Variants in DLC1 observed in about 807,000 individuals in gnomAD.
DLC1 encodes the protein rho GTPase-activating protein 7.
Under a neutral mutation model 140.3 loss-of-function variants are expected in DLC1, and 54 were observed. That is an observed-to-expected ratio of 0.38 (90% CI 0.31 to 0.48). The LOEUF is 0.48. Among genes scored for constraint, DLC1 ranks in the 20% least tolerant of loss-of-function variants. DLC1 has a pLI of 0.96. For synonymous variants in DLC1, 986 were observed against 728.1 expected (o/e 1.35, Z -5.70); for missense variants, 2,536 against 1,907.0 (o/e 1.33, Z -6.14).
intron 5 of DLC1, among the ~76,000 whole-genome samples, chr8:13,165,938 T>G (rs576146230): frequency 8.5e-4 from 130 of 152,276 alleles, no homozygotes; most frequent in Non-Finnish European, 1.6e-3. Flanking sequence ...CCAGGGTCAC[T>G]GATATGATTC....
intron 5 of DLC1, among the ~76,000 whole-genome samples, chr8:13,243,717 TATC>T (rs1342270726): frequency 6.6e-6 from 1 of 152,220 alleles, no homozygotes; most frequent in Non-Finnish European, 1.5e-5. Flanking sequence ...TTGTCTTCCT[TATC>T]ATCAAGAAAA....
intron 5 of DLC1, among the ~76,000 whole-genome samples, chr8:13,238,934 G>T (rs537452502): frequency 6.6e-6 from 1 of 152,206 alleles, no homozygotes; most frequent in South Asian, 2.1e-4. Flanking sequence ...GGTGTGGGGG[G>T]TGTAGGGGGA....
At chr8:13,401,408 G>A (rs1157798102) in intron 3 of DLC1, 62 bp downstream of exon 3, 21 of 1,573,724 alleles carry the variant, frequency 1.3e-5, no homozygotes, top group Non-Finnish European at 1.7e-5. Context: ...TTGCAAGAGG[G>A]ACTGTATAAG....
intron 14 of DLC1, among the ~76,000 whole-genome samples, chr8:13,090,711 G>C (rs1327558840): frequency 6.6e-6 from 1 of 152,188 alleles, no homozygotes; most frequent in Non-Finnish European, 1.5e-5. Context: ...GTTAGAGTAG[G>C]GGGAGTGAAT....
At chr8:13,105,592 CTTTT>C (rs1270510962) in intron 7 of DLC1, among the ~76,000 whole-genome samples, 1 of 141,008 alleles carries the variant, frequency 7.1e-6, no homozygotes, top group Non-Finnish European at 1.6e-5. Context: ...TCTTTTTCTT[CTTTT>C]TTTTTTTTTT....
chr8:13,549,970 T>C (rs1419775623), intron 1 of DLC1, among the ~76,000 whole-genome samples: 4 of 152,132 alleles, frequency 2.6e-5, no homozygotes, highest in African/African-American at 7.2e-5. Flanking sequence ...GTTGTGCTTA[T>C]ATGTGAAAGG....
chr8:13,280,973 C>T (rs113103085), intron 5 of DLC1, among the ~76,000 whole-genome samples: 59 of 152,294 alleles, frequency 3.9e-4, no homozygotes, highest in African/African-American at 1.3e-3. Flanking sequence ...CATAATATAT[C>T]TCCCTAAAAT....
chr8:13,481,628 CA>C (rs1282142445), intron 2 of DLC1, among the ~76,000 whole-genome samples: 1 of 152,178 alleles, frequency 6.6e-6, no homozygotes, highest in Non-Finnish European at 1.5e-5. Flanking sequence ...AGAAAATTTA[CA>C]GCCCCGTTGT....
chr8:13,180,098 G>A (rs1825954372), intron 5 of DLC1, among the ~76,000 whole-genome samples: 1 of 152,174 alleles, frequency 6.6e-6, no homozygotes, highest in African/African-American at 2.4e-5. Context: ...TTATCCAAGG[G>A]AGATGGTGTT....
At chr8:13,418,079 A>C (rs1308922842) in intron 2 of DLC1, among the ~76,000 whole-genome samples, 2 of 151,990 alleles carry the variant, frequency 1.3e-5, no homozygotes, top group East Asian at 3.9e-4. Flanking sequence ...TTTTCTTGTA[A>C]ATTTGTTTGA....
In DLC1 at chr8:13,090,451, C is replaced by T. The variant is rs200504821; in HGVS notation, c.3875G>A (p.Arg1292Gln). ...KLFQVPEEMS[R>Q]CRNSYTEQEL... ...TTGTTCGGTATAGGAATTACGACAT[C>T]GGCTCATTTCCTCGGGAACCTGTGC... The change falls in exon 15 of 18, where the codon CGA becomes CAA. Residue 1292 changes from arginine to glutamine, a missense_variant. Transcript: ENST00000276297. 138 of 1,613,928 alleles carry T rather than the reference C, an allele frequency of 8.6e-5. No homozygotes were observed. Among genetic ancestry groups the T allele is most frequent in the Middle Eastern group, 1.7e-4 (1 of 5,988 alleles).
At chr8:13,088,835 T>A in intron 15 of DLC1, 131 bp from the exon 16 acceptor site, 1 of 693,296 alleles carries the variant, frequency 1.4e-6, no homozygotes, top group Admixed American at 2.9e-5. Context: ...ATATAAATAA[T>A]ACTATATAAT....
chr8:13,553,814 G>A (rs755931568), intron 1 of DLC1, among the ~76,000 whole-genome samples: 4 of 152,008 alleles, frequency 2.6e-5, no homozygotes, highest in South Asian at 2.1e-4. Context: ...CAAGTCCTCC[G>A]CATTAAAAAT....
intron 4 of DLC1, among the ~76,000 whole-genome samples, chr8:13,325,950 G>T (rs1729147): frequency 0.85 from 129,205 of 152,154 alleles, 55,384 homozygotes; most frequent in East Asian, 0.95. Context: ...TATAGAAACC[G>T]GATGTATGAC....
chr8:13,332,549 G>C (rs1017529732), intron 4 of DLC1, among the ~76,000 whole-genome samples: 1 of 151,732 alleles, frequency 6.6e-6, no homozygotes, highest in East Asian at 1.9e-4. Flanking sequence ...TCCTGCCGCA[G>C]CCTCCTGAGT....
chr8:13,179,245 G>C (rs1795945679), intron 5 of DLC1, among the ~76,000 whole-genome samples: 1 of 152,010 alleles, frequency 6.6e-6, no homozygotes, highest in African/African-American at 2.4e-5. Flanking sequence ...GAGCCTTGGT[G>C]GGAGGTAGTG....
rs568640866 is a variant in DLC1 at position 13,121,517 on chromosome 8, T to G, written c.1349-5860A>C. 1.2e-4 allele frequency among the ~76,000 whole-genome samples: 18 copies of G among 152,228 alleles called. No individual in the cohort carries two copies. In the South Asian group the frequency reaches 3.7e-3, roughly 32 times the overall value. ...AGGAAATCTTGGTGACTCCCAGCCC[T>G]GGATGTAGGCAGGCATTGCGCTGGG... On this transcript the variant is annotated intron_variant, in intron 5 of 17. Transcript: ENST00000276297.
At chr8:13,221,712 ATGTGTGTGTGTG>A (rs371741645) in intron 5 of DLC1, among the ~76,000 whole-genome samples, 76 of 133,724 alleles carry the variant, frequency 5.7e-4, no homozygotes, top group African/African-American at 1.8e-3. Flanking sequence ...GTGTGTGTAT[ATGTGTGTGTGTG>A]TGTATATATA....
At chr8:13,441,987 G>C (rs577219224) in intron 2 of DLC1, among the ~76,000 whole-genome samples, 1 of 152,138 alleles carries the variant, frequency 6.6e-6, no homozygotes, top group African/African-American at 2.4e-5. Flanking sequence ...AAACAGCATG[G>C]TACTGGTACC....
Sources: allele counts gnomAD v4.1 joint callset (sites outside exome capture counted in the v4.1 genomes callset), GRCh38; gene constraint gnomAD v4.1.1; transcripts MANE v1.5; gene names NCBI Gene and HGNC (gene_info 2026-07-23, HGNC 2026-07-21).